The following HPSE2 variants were observed in gnomAD, a reference collection of about 807,000 sequenced individuals.
HPSE2 encodes the protein heparanase 2 (inactive).
In HPSE2, 38 loss-of-function variants were observed where a neutral mutation model predicts 60.5. The observed-to-expected ratio is 0.63, with a 90% CI of 0.48 to 0.82. The LOEUF (loss-of-function observed/expected upper bound fraction) is 0.82, where lower values mean the gene tolerates loss of function less well. Among genes scored for constraint, HPSE2 ranks in the 40% least tolerant of loss-of-function variants. The pLI, the probability that HPSE2 is intolerant of heterozygous loss-of-function variation, is 0.00. For missense variants in HPSE2, 713 were observed against 740.4 expected, an observed-to-expected ratio of 0.96 and a Z score of 0.43; for synonymous variants, 295 against 293.2, an observed-to-expected ratio of 1.01 and a Z score of -0.06.
At chr10:98,760,121 T>C (rs1190846466) in intron 3 of HPSE2, among the ~76,000 whole-genome samples, 1 of 152,074 alleles carries the variant, frequency 6.6e-6, no homozygotes, top group Non-Finnish European at 1.5e-5. Flanking sequence ...TATTTGTATG[T>C]TGATTTTATA....
intron 3 of HPSE2, among the ~76,000 whole-genome samples, chr10:98,890,410 T>C (rs1953300825): frequency 6.6e-6 from 1 of 152,158 alleles, no homozygotes; most frequent in East Asian, 1.9e-4. Context: ...GACAATATTG[T>C]GGGAAAATAT....
rs1949109389 is a variant in HPSE2 at position 98,727,244 on chromosome 10, C to T, written c.785-5416G>A. ...AGTTTTCAACAAAAAAGCTATTATA[C>T]ATGAAAAAAATAGAAAAGTTTGACT... On this transcript the variant is annotated intron_variant, in intron 4 of 11. Transcript: ENST00000370552. Among the ~76,000 whole-genome samples the T allele has an allele frequency of 2.0e-5, 3 of 152,014 alleles. No individual in the cohort carries two copies. The South Asian group carries it at 6.2e-4, about 31-fold the overall frequency.
rs576891287 is a variant in HPSE2 at position 98,985,941 on chromosome 10, A to G, written c.610+158297T>C. 5.8e-3 allele frequency among the ~76,000 whole-genome samples: 879 copies of G among 152,322 alleles called. 8 individuals are homozygous for G. Among genetic ancestry groups the G allele is most frequent in the African/African-American group, 0.02 (821 of 41,578 alleles). ...GGGATCAATTCAACAAGAAGAGCTAACTATCCTAAATATATATGCACCCAA... is the reference window on the plus strand; with the variant it reads ...GGGATCAATTCAACAAGAAGAGCTAGCTATCCTAAATATATATGCACCCAA... On this transcript the variant is annotated intron_variant, in intron 3 of 11. Coordinates refer to ENST00000370552, the MANE Select transcript of HPSE2 (RefSeq NM_021828.5).
At chr10:98,962,822 C>T (rs144925132) in intron 3 of HPSE2, among the ~76,000 whole-genome samples, 1,559 of 151,320 alleles carry the variant, frequency 0.01, 27 homozygotes, top group African/African-American at 0.036. Context: ...GGGTGAACTC[C>T]CATTCACAAT....
At chr10:99,099,504 C>T (rs1273928826) in intron 3 of HPSE2, among the ~76,000 whole-genome samples, 1 of 152,234 alleles carries the variant, frequency 6.6e-6, no homozygotes, top group Non-Finnish European at 1.5e-5. Context: ...GAAGCTTGAA[C>T]TGGGTGGAAC....
intron 5 of HPSE2, among the ~76,000 whole-genome samples, chr10:98,698,892 A>C (rs2134185588): frequency 6.6e-6 from 1 of 152,374 alleles, no homozygotes; most frequent in South Asian, 2.1e-4. Context: ...AAAATCTAGA[A>C]GAAATGGATA....
At chr10:98,538,042 C>A (rs953511006) in intron 9 of HPSE2, among the ~76,000 whole-genome samples, 1 of 152,202 alleles carries the variant, frequency 6.6e-6, no homozygotes, top group Non-Finnish European at 1.5e-5. Context: ...AAGGGCCCCC[C>A]ATCCTGTAAT....
chr10:99,166,304 T>C (rs546254195), intron 2 of HPSE2, among the ~76,000 whole-genome samples: 1 of 152,334 alleles, frequency 6.6e-6, no homozygotes, highest in East Asian at 1.9e-4. Context: ...TAGTTTTCAG[T>C]TGACTTGAGT....
chr10:99,276,679 C>T, the HPSE2 span, among the ~76,000 whole-genome samples: 4 of 151,862 alleles, frequency 2.6e-5, no homozygotes, highest in African/African-American at 9.7e-5. Context: ...AGACAAGAAA[C>T]AATATTGAGT....
chr10:99,274,847 C>G, the HPSE2 span, among the ~76,000 whole-genome samples: 1 of 152,156 alleles, frequency 6.6e-6, no homozygotes, highest in Non-Finnish European at 1.5e-5. Context: ...TAAAGTCAAA[C>G]CATACAACAT....
intron 3 of HPSE2, among the ~76,000 whole-genome samples, chr10:99,115,106 A>G (rs1844629443): frequency 6.6e-6 from 1 of 150,926 alleles, no homozygotes; most frequent in Non-Finnish European, 1.5e-5. Context: ...GCCTGAGCCA[A>G]CGGGGAAGCT....
chr10:98,759,501 C>T (rs1468897116), intron 3 of HPSE2, among the ~76,000 whole-genome samples: 1 of 151,936 alleles, frequency 6.6e-6, no homozygotes, highest in African/African-American at 2.4e-5. Context: ...AATTTCATTC[C>T]TCAGTGTGTG....
chr10:98,567,528 C>G (rs1057505712), intron 9 of HPSE2, among the ~76,000 whole-genome samples: 1 of 152,136 alleles, frequency 6.6e-6, no homozygotes, highest in Admixed American at 6.5e-5. Flanking sequence ...ATCCTGTCAC[C>G]GGGATTTCTA....
At chr10:98,940,795 A>G (rs372897964) in intron 3 of HPSE2, among the ~76,000 whole-genome samples, 1 of 141,666 alleles carries the variant, frequency 7.1e-6, no homozygotes, top group African/African-American at 2.9e-5. Flanking sequence ...GAGAATTTTA[A>G]ACCAATATCC....
intron 11 of HPSE2, among the ~76,000 whole-genome samples, chr10:98,472,732 AT>A (rs1391604601): frequency 4.6e-5 from 7 of 152,260 alleles, no homozygotes; most frequent in African/African-American, 1.4e-4. Flanking sequence ...GATTTCAAGA[AT>A]GTAAATTCAT....
At chr10:98,482,599 G>T (rs1391172496) in intron 11 of HPSE2, 37 bp downstream of exon 11, 1 of 1,613,430 alleles carries the variant, frequency 6.2e-7, no homozygotes. Context: ...AGCTCCTGCT[G>T]CACTTGCTCC....
At chr10:99,109,878 C>G (rs1844393067) in intron 3 of HPSE2, among the ~76,000 whole-genome samples, 2 of 151,932 alleles carry the variant, frequency 1.3e-5, no homozygotes, top group Admixed American at 6.6e-5. Flanking sequence ...TTGTGGAGGT[C>G]CCATGAAAAT....
the HPSE2 span, among the ~76,000 whole-genome samples, chr10:99,312,016 G>T: frequency 9.8e-5 from 15 of 152,286 alleles, no homozygotes; most frequent in East Asian, 2.9e-3. Context: ...TCCAGAGCAA[G>T]GCCCTAGCTC....
intron 3 of HPSE2, among the ~76,000 whole-genome samples, chr10:98,788,765 C>A (rs550963167): frequency 9.9e-5 from 15 of 151,500 alleles, no homozygotes; most frequent in Non-Finnish European, 1.6e-4. Flanking sequence ...TGACCCCTTG[C>A]GCTTCCCAGG....
Sources: gnomAD v4.1 joint callset for allele counts (sites outside exome capture counted in the v4.1 genomes callset) on GRCh38, gnomAD v4.1.1 for gene constraint, MANE v1.5 for transcripts, NCBI Gene and HGNC (gene_info 2026-07-23, HGNC 2026-07-21) for gene names.